Variants in CNTN4 observed in about 807,000 individuals in gnomAD.
CNTN4 encodes the protein contactin 4.
Under a neutral mutation model 122.5 loss-of-function variants are expected in CNTN4, and 77 were observed. That is an observed-to-expected ratio of 0.63 (90% CI 0.52 to 0.76). The LOEUF (loss-of-function observed/expected upper bound fraction) is 0.76, where lower values mean the gene tolerates loss of function less well. Ranked by LOEUF, CNTN4 falls within the 30% of genes least tolerant of loss-of-function variation. The pLI, the probability that CNTN4 is intolerant of heterozygous loss-of-function variation, is 0.00. For missense variants in CNTN4, 1,256 were observed against 1,259.1 expected, an observed-to-expected ratio of 1.00 and a Z score of 0.04; for synonymous variants, 512 against 447.0, an observed-to-expected ratio of 1.15 and a Z score of -1.83.
At chr3:2,197,050 G>GAAAAAAAAAAAA (rs756328918) in intron 2 of CNTN4, among the ~76,000 whole-genome samples, 1 of 87,128 alleles carries the variant, frequency 1.1e-5, no homozygotes, top group Admixed American at 1.2e-4. Flanking sequence ...GGTCTCACCA[G>GAAAAAAAAAAAA]AAAAAAAAAA....
intron 16 of CNTN4, 146 bp downstream of exon 16, chr3:3,031,121 A>G: frequency 1.9e-6 from 2 of 1,076,674 alleles, no homozygotes; most frequent in Non-Finnish European, 2.8e-6. Context: ...AACAGTCCAC[A>G]GAAGTTTCTG....
At chr3:2,574,182 C>G (rs1158646718) in intron 4 of CNTN4, among the ~76,000 whole-genome samples, 1 of 152,232 alleles carries the variant, frequency 6.6e-6, no homozygotes, top group Admixed American at 6.5e-5. Context: ...CGCCACTGCA[C>G]TCCAGCCTGG....
chr3:3,040,060 T>C lies in CNTN4; in HGVS notation c.2187T>C (p.Asn729=), dbSNP rs768713279. The change falls in exon 20 of 25, where the codon AAT becomes AAC. Residue 729 remains asparagine (N), a synonymous_variant. Coordinates refer to ENST00000418658, the MANE Select transcript of CNTN4 (RefSeq NM_175607.3). ...AGACGGTCCCTGAGGAATTACAGAA[T>C]GGTCGAGGCTTTGGTTATGTGGTGG... ...TWETVPEELQ[N]GRGFGYVVAF... 3.1e-6 allele frequency: 5 copies of C among 1,613,296 alleles called. No individual in the cohort carries two copies. The highest frequency in any genetic ancestry group is 2.2e-5 in the South Asian group (2 of 91,072).
chr3:2,366,235 T>C (rs917959848), intron 3 of CNTN4, among the ~76,000 whole-genome samples: 2 of 152,312 alleles, frequency 1.3e-5, no homozygotes, highest in South Asian at 2.1e-4. Context: ...TAGAAAAAAG[T>C]ACATTTTCAC....
At chr3:3,019,406 C>T (rs181017473) in intron 14 of CNTN4, among the ~76,000 whole-genome samples, 1 of 152,244 alleles carries the variant, frequency 6.6e-6, no homozygotes, top group African/African-American at 2.4e-5. Flanking sequence ...AAGCACTTCT[C>T]TTGCCTCAGC....
chr3:2,791,957 A>G (rs1169740112), intron 6 of CNTN4, among the ~76,000 whole-genome samples: 1 of 152,156 alleles, frequency 6.6e-6, no homozygotes, highest in African/African-American at 2.4e-5. Flanking sequence ...ATAATCCGGG[A>G]TGATCTCCTT....
chr3:2,539,339 A>G (rs2077940401), intron 3 of CNTN4, among the ~76,000 whole-genome samples: 1 of 152,080 alleles, frequency 6.6e-6, no homozygotes, highest in Admixed American at 6.6e-5. Flanking sequence ...CGCTGTTGAT[A>G]TGAACCTCAT....
chr3:2,456,441 A>C (rs1352417787), intron 3 of CNTN4, among the ~76,000 whole-genome samples: 1 of 152,102 alleles, frequency 6.6e-6, no homozygotes, highest in Admixed American at 6.6e-5. Flanking sequence ...ATGTGCAGCC[A>C]TCATCTCTAT....
intron 4 of CNTN4, among the ~76,000 whole-genome samples, chr3:2,624,439 AAATTAATTTGGGGACT>A (rs1336253927): frequency 1.3e-5 from 2 of 152,032 alleles, no homozygotes; most frequent in Non-Finnish European, 2.9e-5. Flanking sequence ...CCATGAATAA[AAATTAATTTGGGGACT>A]AATGCCTTAC....
chr3:2,517,327 G>A (rs1292964665), intron 3 of CNTN4, among the ~76,000 whole-genome samples: 6 of 152,066 alleles, frequency 3.9e-5, no homozygotes, highest in Non-Finnish European at 8.8e-5. Context: ...TGTATTTATG[G>A]AAACTATATA....
intron 4 of CNTN4, among the ~76,000 whole-genome samples, chr3:2,690,577 T>C (rs1389551135): frequency 2.6e-5 from 4 of 152,060 alleles, no homozygotes; most frequent in Non-Finnish European, 5.9e-5. Flanking sequence ...AACAATATCC[T>C]CTTTATTTAT....
chr3:2,919,266 C>T (rs1317210685), intron 12 of CNTN4, among the ~76,000 whole-genome samples: 2 of 149,088 alleles, frequency 1.3e-5, no homozygotes, highest in African/African-American at 2.5e-5. Flanking sequence ...GCAGGAGAAT[C>T]ACTTGAACCC....
intron 3 of CNTN4, among the ~76,000 whole-genome samples, chr3:2,429,761 C>G (rs1000049784): frequency 1.3e-5 from 2 of 152,206 alleles, no homozygotes; most frequent in Non-Finnish European, 2.9e-5. Flanking sequence ...GCTTTGTTTA[C>G]CTACTCAAGC....
At chr3:2,518,253 G>A (rs55647438) in intron 3 of CNTN4, among the ~76,000 whole-genome samples, 2,281 of 152,146 alleles carry the variant, frequency 0.015, 59 homozygotes, top group African/African-American at 0.051. Context: ...GCACATGCAC[G>A]CATCTAGGCT....
At chr3:2,430,294 C>T (rs575583034) in intron 3 of CNTN4, among the ~76,000 whole-genome samples, 110 of 151,720 alleles carry the variant, frequency 7.3e-4, no homozygotes, top group African/African-American at 2.2e-3. Context: ...TGGTGGCGGG[C>T]GCCTGTAGTC....
intron 3 of CNTN4, among the ~76,000 whole-genome samples, chr3:2,422,691 A>G (rs1389243104): frequency 6.6e-6 from 1 of 152,210 alleles, no homozygotes; most frequent in South Asian, 2.1e-4. Flanking sequence ...ATAATTCAGA[A>G]TTGGAAAGAA....
chr3:2,143,733 T>C (rs533754116), intron 2 of CNTN4, among the ~76,000 whole-genome samples: 3 of 152,212 alleles, frequency 2.0e-5, no homozygotes, highest in Non-Finnish European at 4.4e-5. Flanking sequence ...GAGTTTAGAG[T>C]TAAATGATTG....
intron 4 of CNTN4, among the ~76,000 whole-genome samples, chr3:2,693,685 G>T (rs2085863688): frequency 6.6e-6 from 1 of 152,104 alleles, no homozygotes; most frequent in Admixed American, 6.6e-5. Flanking sequence ...ATTGCTCCAA[G>T]AAATAGAGTA....
At chr3:2,590,491 A>C (rs563682151) in intron 4 of CNTN4, among the ~76,000 whole-genome samples, 1 of 151,808 alleles carries the variant, frequency 6.6e-6, no homozygotes, top group African/African-American at 2.4e-5. Flanking sequence ...TCCTAACCTC[A>C]AGTGATCTGC....
Sources: allele counts gnomAD v4.1 joint callset (sites outside exome capture counted in the v4.1 genomes callset), GRCh38; gene constraint gnomAD v4.1.1; transcripts MANE v1.5; gene names NCBI Gene and HGNC (gene_info 2026-07-23, HGNC 2026-07-21).